PFDN2: variants seen among roughly 807,000 people sequenced by gnomAD.
PFDN2 encodes prefoldin 2.
Under a neutral mutation model 18.3 loss-of-function variants are expected in PFDN2, and 7 were observed. That is an observed-to-expected ratio of 0.38 (90% CI 0.22 to 0.72). The LOEUF (loss-of-function observed/expected upper bound fraction) is 0.72, where lower values mean the gene tolerates loss of function less well. Ranked by LOEUF, PFDN2 falls within the 30% of genes least tolerant of loss-of-function variation. PFDN2 has a pLI of 0.47. For missense variants in PFDN2, 181 were observed against 199.1 expected, an observed-to-expected ratio of 0.91 and a Z score of 0.55; for synonymous variants, 76 against 75.0, an observed-to-expected ratio of 1.01 and a Z score of -0.07.
intron 1 of PFDN2, among the ~76,000 whole-genome samples, chr1:161,104,024 C>T (rs1362611269): frequency 6.6e-6 from 1 of 152,146 alleles, no homozygotes; most frequent in Non-Finnish European, 1.5e-5. Flanking sequence ...TACACAACTA[C>T]TGGGGGTAAG....
At chr1:161,104,986 T>C (rs1005580337) in intron 1 of PFDN2, among the ~76,000 whole-genome samples, 4 of 152,178 alleles carry the variant, frequency 2.6e-5, no homozygotes, top group African/African-American at 7.2e-5. Context: ...TTAACCTTCA[T>C]TGCCTGTCTC....
intron 1 of PFDN2, among the ~76,000 whole-genome samples, chr1:161,108,683 A>C (rs1232002452): frequency 6.6e-6 from 1 of 152,232 alleles, no homozygotes; most frequent in Non-Finnish European, 1.5e-5. Context: ...AAAAGGCATT[A>C]GCATTATTAT....
chr1:161,103,698 A>AG (rs1654622991), intron 1 of PFDN2, among the ~76,000 whole-genome samples: 1 of 90,756 alleles, frequency 1.1e-5, no homozygotes, highest in Non-Finnish European at 2.6e-5. Context: ...AAAAAAAAAA[A>AG]AAAAAAAAAA....
chr1:161,110,835 T>G lies in PFDN2; in HGVS notation c.75+7117A>C, dbSNP rs546882537. 1.2e-3 allele frequency among the ~76,000 whole-genome samples: 180 copies of G among 146,192 alleles called. 4 individuals are homozygous for G. The East Asian group carries it at 0.026, about 21-fold the overall frequency. On this transcript the variant is annotated intron_variant, in intron 1 of 3. Coordinates refer to ENST00000368010, the MANE Select transcript of PFDN2 (RefSeq NM_012394.4). ...CTTCATGAAATTTTTTTTTTTTTTT[T>G]GTAGAGACTTTTTTTTTTTTTTGAG...
chr1:161,103,928 T>C (rs750900519), intron 1 of PFDN2, among the ~76,000 whole-genome samples: 6 of 152,094 alleles, frequency 3.9e-5, no homozygotes, highest in Non-Finnish European at 7.4e-5. Context: ...GGCACAGACA[T>C]TTAACCCTGT....
intron 1 of PFDN2, 60 bp downstream of exon 1, chr1:161,117,892 C>T (rs1467205679): frequency 6.4e-6 from 9 of 1,410,198 alleles, no homozygotes; most frequent in Non-Finnish European, 8.8e-6. Flanking sequence ...ACAGGCTCCC[C>T]CTTCTCGCTA....
At chr1:161,101,366 A>C (rs1654556066) in intron 3 of PFDN2, among the ~76,000 whole-genome samples, 1 of 151,122 alleles carries the variant, frequency 6.6e-6, no homozygotes, top group African/African-American at 2.4e-5. Flanking sequence ...CGCCCAGCCA[A>C]TTTTTCGTAT....
chr1:161,102,876 T>C (rs1420256965), intron 1 of PFDN2, among the ~76,000 whole-genome samples: 2 of 151,238 alleles, frequency 1.3e-5, no homozygotes, highest in African/African-American at 4.9e-5. Context: ...GAGAATCATT[T>C]GAACCCGGGA....
At chr1:161,107,451 AACTAATCC>A (rs1198814231) in intron 1 of PFDN2, among the ~76,000 whole-genome samples, 1 of 150,552 alleles carries the variant, frequency 6.6e-6, no homozygotes, top group East Asian at 1.9e-4. Flanking sequence ...AAAAAAGCTT[AACTAATCC>A]TCTGCGTTAG....
intron 1 of PFDN2, among the ~76,000 whole-genome samples, chr1:161,107,238 A>C (rs1316838858): frequency 6.6e-6 from 1 of 152,158 alleles, no homozygotes; most frequent in Non-Finnish European, 1.5e-5. Flanking sequence ...ATCCTGGCTA[A>C]TATGGTGAAA....
At chr1:161,117,603 G>A (rs1164704670) in intron 1 of PFDN2, among the ~76,000 whole-genome samples, 3 of 152,176 alleles carry the variant, frequency 2.0e-5, no homozygotes, top group Non-Finnish European at 2.9e-5. Context: ...ATTCTCTAGG[G>A]TTAGTTTCGA....
intron 1 of PFDN2, among the ~76,000 whole-genome samples, chr1:161,112,478 A>G (rs1258733640): frequency 3.3e-5 from 5 of 152,174 alleles, no homozygotes; most frequent in African/African-American, 1.2e-4. Flanking sequence ...ACTGGTGAAA[A>G]GTGGTTATTC....
intron 1 of PFDN2, among the ~76,000 whole-genome samples, chr1:161,114,827 T>G (rs947877688): frequency 1.3e-5 from 2 of 152,186 alleles, no homozygotes; most frequent in African/African-American, 4.8e-5. Context: ...ATCCAGCCCC[T>G]ACCCCCACAA....
At chr1:161,107,575 T>C (rs1391268886) in intron 1 of PFDN2, among the ~76,000 whole-genome samples, 1 of 151,926 alleles carries the variant, frequency 6.6e-6, no homozygotes, top group Non-Finnish European at 1.5e-5. Flanking sequence ...AGCAGTTTGG[T>C]AGGCCAAGGC....
chr1:161,115,371 C>T (rs1416271941), intron 1 of PFDN2, among the ~76,000 whole-genome samples: 3 of 152,118 alleles, frequency 2.0e-5, no homozygotes, highest in Non-Finnish European at 4.4e-5. Context: ...GCCAACAATT[C>T]ATAAGTTTTA....
intron 1 of PFDN2, 63 bp downstream of exon 1, chr1:161,117,889 C>G: frequency 7.2e-7 from 1 of 1,390,136 alleles, no homozygotes; most frequent in Non-Finnish European, 1.0e-6. Context: ...GCCACAGGCT[C>G]CCCCTTCTCG....
At chr1:161,108,168 C>G (rs935705091) in intron 1 of PFDN2, among the ~76,000 whole-genome samples, 1 of 111,568 alleles carries the variant, frequency 9.0e-6, no homozygotes, top group Non-Finnish European at 2.0e-5. Flanking sequence ...AAAAAAAAAA[C>G]AAGGCTGGGT....
intron 1 of PFDN2, among the ~76,000 whole-genome samples, chr1:161,116,802 T>C (rs989196666): frequency 2.7e-5 from 4 of 150,824 alleles, no homozygotes; most frequent in Non-Finnish European, 4.4e-5. Flanking sequence ...GTGGAGGCTG[T>C]GGTGAGCCGA....
chr1:161,108,016 G>A (rs1158515011), intron 1 of PFDN2, among the ~76,000 whole-genome samples: 2 of 151,454 alleles, frequency 1.3e-5, no homozygotes, highest in African/African-American at 4.9e-5. Context: ...TTGGGAGGCT[G>A]AGGCAAAAGA....
Sources: gnomAD v4.1 joint callset for allele counts (sites outside exome capture counted in the v4.1 genomes callset) on GRCh38, gnomAD v4.1.1 for gene constraint, MANE v1.5 for transcripts, NCBI Gene and HGNC (gene_info 2026-07-23, HGNC 2026-07-21) for gene names.